Variants in CNTNAP2 observed in about 807,000 individuals in gnomAD.
CNTNAP2 encodes contactin-associated protein-like 2.
A neutral mutation model predicts 155.2 loss-of-function variants in CNTNAP2; 98 were observed. The ratio of observed to expected loss-of-function variants is 0.63; its 90% CI spans 0.54 to 0.75. The LOEUF (loss-of-function observed/expected upper bound fraction) is 0.75. CNTNAP2 is among the 30% of genes least tolerant of loss of function. The pLI is 0.00. For synonymous variants in CNTNAP2, 651 were observed against 631.2 expected, an observed-to-expected ratio of 1.03 and a Z score of -0.47; for missense variants, 1,727 against 1,688.1, an observed-to-expected ratio of 1.02 and a Z score of -0.40.
chr7:146,423,933 C>T (rs983844232), intron 1 of CNTNAP2, among the ~76,000 whole-genome samples: 2 of 152,080 alleles, frequency 1.3e-5, no homozygotes, highest in African/African-American at 4.8e-5. Context: ...TGTCTCTGAG[C>T]TTTTTGTCAT....
At chr7:148,073,402 GT>G in intron 15 of CNTNAP2, among the ~76,000 whole-genome samples, 2 of 152,306 alleles carry the variant, frequency 1.3e-5, no homozygotes, top group South Asian at 4.1e-4. Context: ...TAATTCATCA[GT>G]TTTAAATTGT....
chr7:146,906,001 G>T (rs985207911), intron 3 of CNTNAP2, among the ~76,000 whole-genome samples: 1 of 152,232 alleles, frequency 6.6e-6, no homozygotes, highest in African/African-American at 2.4e-5. Flanking sequence ...GAAGCGCAAG[G>T]GGTCAGGGAG....
chr7:147,191,227 C>G (rs560380226), intron 8 of CNTNAP2, among the ~76,000 whole-genome samples: 17 of 152,054 alleles, frequency 1.1e-4, no homozygotes, highest in Non-Finnish European at 7.4e-5. Flanking sequence ...CAAGACATAG[C>G]TAGAAGGTGG....
chr7:148,279,707 G>T (rs1226397449), intron 21 of CNTNAP2, among the ~76,000 whole-genome samples: 1 of 151,786 alleles, frequency 6.6e-6, no homozygotes, highest in African/African-American at 2.4e-5. Flanking sequence ...ACTGGGAAAG[G>T]CAAAAAAGAA....
chr7:148,332,102 T>G (rs192798846), intron 21 of CNTNAP2, among the ~76,000 whole-genome samples: 1 of 151,926 alleles, frequency 6.6e-6, no homozygotes, highest in East Asian at 1.9e-4. Flanking sequence ...GGCCTTTATG[T>G]TTTAAAATAG....
At chr7:148,222,597 G>A (rs984092091) in intron 19 of CNTNAP2, among the ~76,000 whole-genome samples, 1 of 68,222 alleles carries the variant, frequency 1.5e-5, no homozygotes, top group Non-Finnish European at 3.3e-5. Context: ...CATGAGGACA[G>A]AGTCCTCATG....
At chr7:147,570,660 C>A (rs998092780) in intron 12 of CNTNAP2, among the ~76,000 whole-genome samples, 1 of 152,136 alleles carries the variant, frequency 6.6e-6, no homozygotes, top group Non-Finnish European at 1.5e-5. Context: ...TAACTCATGA[C>A]GACCTCACAA....
chr7:146,322,264 A>T (rs560127924), intron 1 of CNTNAP2, among the ~76,000 whole-genome samples: 1 of 152,202 alleles, frequency 6.6e-6, no homozygotes, highest in Admixed American at 6.5e-5. Flanking sequence ...GCACTGTCAG[A>T]TAAAAGATAT....
intron 1 of CNTNAP2, among the ~76,000 whole-genome samples, chr7:146,306,650 C>T (rs1470984016): frequency 1.3e-5 from 2 of 152,064 alleles, no homozygotes; most frequent in African/African-American, 4.8e-5. Context: ...AAGTTGGCTT[C>T]ATCCCTGGGA....
At chr7:148,206,323 CT>C (rs548633503) in intron 18 of CNTNAP2, among the ~76,000 whole-genome samples, 190 of 148,380 alleles carry the variant, frequency 1.3e-3, no homozygotes, top group African/African-American at 4.5e-3. Flanking sequence ...TAAATTTTGA[CT>C]ACCATTTGTA....
At chr7:147,351,396 A>G (rs1364082023) in intron 9 of CNTNAP2, among the ~76,000 whole-genome samples, 1 of 151,820 alleles carries the variant, frequency 6.6e-6, no homozygotes, top group African/African-American at 2.4e-5. Context: ...GTTTATAAAA[A>G]AAATAGAAGG....
chr7:146,379,194 G>T (rs537207847), intron 1 of CNTNAP2, among the ~76,000 whole-genome samples: 2 of 152,190 alleles, frequency 1.3e-5, no homozygotes, highest in Admixed American at 6.5e-5. Flanking sequence ...TCTTTCCTGG[G>T]TATGTTTTCT....
chr7:148,054,336 A>T (rs1314434182), intron 15 of CNTNAP2, among the ~76,000 whole-genome samples: 1 of 152,054 alleles, frequency 6.6e-6, no homozygotes, highest in Non-Finnish European at 1.5e-5. Context: ...CCTCGTCTGT[A>T]AAATATGAAT....
intron 1 of CNTNAP2, among the ~76,000 whole-genome samples, chr7:146,693,021 T>A (rs1800723083): frequency 6.6e-6 from 1 of 152,064 alleles, no homozygotes; most frequent in Non-Finnish European, 1.5e-5. Context: ...ATGAAGGAAG[T>A]GAGTTTTAAT....
intron 18 of CNTNAP2, among the ~76,000 whole-genome samples, chr7:148,181,881 C>T (rs937985006): frequency 1.9e-4 from 29 of 150,932 alleles, no homozygotes; most frequent in African/African-American, 6.6e-4. Flanking sequence ...CCTCAGCCTC[C>T]CGAGTAGCTG....
chr7:146,750,545 T>C (rs1487063864), intron 1 of CNTNAP2, among the ~76,000 whole-genome samples: 3 of 152,194 alleles, frequency 2.0e-5, no homozygotes. Flanking sequence ...GATCAGATGC[T>C]GTGTGGATAC....
intron 10 of CNTNAP2, among the ~76,000 whole-genome samples, chr7:147,479,995 A>G (rs1798393774): frequency 6.6e-6 from 1 of 152,152 alleles, no homozygotes; most frequent in African/African-American, 2.4e-5. Context: ...CATAGAGAAT[A>G]TCCTTTCAAC....
chr7:147,635,709 A>C (rs1458528932), intron 12 of CNTNAP2, among the ~76,000 whole-genome samples: 2 of 152,184 alleles, frequency 1.3e-5, no homozygotes, highest in Non-Finnish European at 2.9e-5. Flanking sequence ...AAGTTGTGTA[A>C]GATAGAGACT....
At chr7:147,502,534 A>C (rs577986865) in intron 11 of CNTNAP2, among the ~76,000 whole-genome samples, 1 of 152,278 alleles carries the variant, frequency 6.6e-6, no homozygotes, top group East Asian at 1.9e-4. Flanking sequence ...AAAGGTACAA[A>C]CTTTCAATTA....
Sources: gnomAD v4.1 joint callset for allele counts (sites outside exome capture counted in the v4.1 genomes callset) on GRCh38, gnomAD v4.1.1 for gene constraint, MANE v1.5 for transcripts, NCBI Gene and HGNC (gene_info 2026-07-23, HGNC 2026-07-21) for gene names.